ZNRF1: variants seen among roughly 807,000 people sequenced by gnomAD.
The protein encoded by ZNRF1 is zinc and ring finger 1, also known as E3 ubiquitin-protein ligase ZNRF1.
A neutral mutation model predicts 18.4 loss-of-function variants in ZNRF1; 3 were observed. The observed-to-expected ratio is 0.16, with a 90% CI of 0.07 to 0.42. ZNRF1 has a LOEUF of 0.42. ZNRF1 is among the 10% of genes least tolerant of loss of function. ZNRF1 has a pLI of 0.99. For synonymous variants in ZNRF1, 157 were observed against 144.2 expected (o/e 1.09, Z -0.64); for missense variants, 310 against 329.8 (o/e 0.94, Z 0.47).
intron 2 of ZNRF1, among the ~76,000 whole-genome samples, chr16:75,102,287 GC>G (rs2145429413): frequency 6.6e-6 from 1 of 152,202 alleles, no homozygotes; most frequent in African/African-American, 2.4e-5. Flanking sequence ...CCCAGTCCCA[GC>G]CCCACAACCC....
intron 1 of ZNRF1, among the ~76,000 whole-genome samples, chr16:75,060,804 CA>C (rs1465678826): frequency 6.6e-6 from 1 of 152,088 alleles, no homozygotes; most frequent in Non-Finnish European, 1.5e-5. Context: ...ATCTTGGCCG[CA>C]GCTTTGATTT....
At chr16:75,027,926 C>G (rs1448468049) in intron 1 of ZNRF1, among the ~76,000 whole-genome samples, 1 of 152,180 alleles carries the variant, frequency 6.6e-6, no homozygotes, top group Non-Finnish European at 1.5e-5. Flanking sequence ...TTTAAAAACA[C>G]CTTTCTTAGC....
intron 2 of ZNRF1, among the ~76,000 whole-genome samples, chr16:75,101,641 T>C (rs1220125496): frequency 1.3e-5 from 2 of 152,232 alleles, no homozygotes; most frequent in African/African-American, 4.8e-5. Flanking sequence ...CAACCCATCT[T>C]ATCCTTCTGA....
intron 1 of ZNRF1, among the ~76,000 whole-genome samples, chr16:75,084,014 G>C (rs2036045660): frequency 6.6e-6 from 1 of 152,238 alleles, no homozygotes; most frequent in Non-Finnish European, 1.5e-5. Flanking sequence ...TGCAGGTCAA[G>C]AGGTGGGACT....
chr16:75,060,279 C>T (rs1245847944), intron 1 of ZNRF1, among the ~76,000 whole-genome samples: 1 of 151,984 alleles, frequency 6.6e-6, no homozygotes, highest in East Asian at 1.9e-4. Context: ...GTCTCAAACT[C>T]CTGACGTTGT....
intron 1 of ZNRF1, among the ~76,000 whole-genome samples, chr16:75,089,438 A>C (rs756695086): frequency 6.6e-6 from 1 of 152,020 alleles, no homozygotes; most frequent in Non-Finnish European, 1.5e-5. Flanking sequence ...ATGCCAAAAT[A>C]AAACAGAAAC....
rs1480272349 is a variant in ZNRF1 at position 75,058,100 on chromosome 16, CCTTTT to C, written c.425-35466_425-35462del. The stretch of plus-strand genomic sequence containing the variant: ...ATACTTGACCTGCCCTTTTTCCTTT[CCTTTT>C]CTTTTTTTTTTTTTTTTAAATATTT... On this transcript the variant is annotated intron_variant, in intron 1 of 4. Coordinates refer to ENST00000335325, the MANE Select transcript of ZNRF1 (RefSeq NM_032268.5). 1.1e-3 allele frequency among the ~76,000 whole-genome samples: 97 copies of C among 87,760 alleles called. 1 individual carries two copies. Among genetic ancestry groups the C allele is most frequent in the African/African-American group, 3.8e-3 (94 of 24,452 alleles). 57.6% of individuals were successfully genotyped at this position (87,760 alleles called of 152,430 possible).
intron 3 of ZNRF1, 186 bp downstream of exon 3, chr16:75,105,075 AGTGCAGAGCAGAGTGGAGTTGCCAGAGGT>A (rs2036299138): frequency 3.7e-6 from 2 of 544,756 alleles, no homozygotes; most frequent in Non-Finnish European, 6.7e-6. Context: ...GAGCATCCCA[AGTGCAGAGCAGAGTGGAGTTGCCAGAGGT>A]GTGCTCTGGT....
intron 1 of ZNRF1, among the ~76,000 whole-genome samples, chr16:75,055,304 C>T (rs941938453): frequency 1.6e-4 from 25 of 152,186 alleles, no homozygotes; most frequent in African/African-American, 5.3e-4. Flanking sequence ...GGCGGAGTCT[C>T]GCTGTATCAC....
In ZNRF1 at chr16:75,095,808, CT is replaced by C. The variant is rs149894922; in HGVS notation, c.520+2142del. The stretch of plus-strand genomic sequence containing the variant: ...GCCTGGGACGCCACCATGTGTCCCC[CT>C]GTCCCCCTCTGTATCAGCACTTGAG... On this transcript the variant is annotated intron_variant, in intron 2 of 4. Transcript: ENST00000335325. 8.5e-3 allele frequency: 12,017 copies of C among 1,414,450 alleles called. 864 individuals carry two copies. The African/African-American group carries it at 0.15, about 18-fold the overall frequency. The allele number at this position is 1,414,450 out of a possible 1,614,324, so 87.6% of individuals were successfully genotyped here.
In ZNRF1 at chr16:75,082,983, G is replaced by A. The variant is rs377595764; in HGVS notation, c.425-10589G>A. Among the ~76,000 whole-genome samples, 7 of 152,260 alleles carry A rather than the reference G, an allele frequency of 4.6e-5. No homozygotes were observed. In the East Asian group the frequency reaches 7.7e-4, roughly 17 times the overall value. On this transcript the variant is annotated intron_variant, in intron 1 of 4. Transcript: ENST00000335325. Reference sequence around the variant, plus strand: ...TTCACCATGTAACAACTTTAAAATCGAGATGTGCTATATAATCACATCTTA... The same window carrying A: ...TTCACCATGTAACAACTTTAAAATCAAGATGTGCTATATAATCACATCTTA...
intron 2 of ZNRF1, 28 bp from the exon 3 acceptor site, chr16:75,104,756 C>T (rs780714543): frequency 4.5e-5 from 70 of 1,568,114 alleles, no homozygotes; most frequent in South Asian, 4.0e-4. Context: ...GACTAACCCT[C>T]CTGCACTCTC....
intron 4 of ZNRF1, 45 bp from the exon 5 acceptor site, chr16:75,107,688 C>T (rs1221298349): frequency 2.2e-6 from 1 of 456,072 alleles, no homozygotes; most frequent in African/African-American, 2.0e-5. Flanking sequence ...GAGCAGACAG[C>T]CCTCGGCCCG....
intron 1 of ZNRF1, among the ~76,000 whole-genome samples, chr16:75,023,752 A>T (rs925653128): frequency 2.2e-4 from 34 of 151,982 alleles, no homozygotes; most frequent in Non-Finnish European, 2.6e-4. Flanking sequence ...GCTATGTAGG[A>T]GGGAAGAGCC....
At chr16:75,026,686 A>G (rs1353496155) in intron 1 of ZNRF1, among the ~76,000 whole-genome samples, 1 of 152,154 alleles carries the variant, frequency 6.6e-6, no homozygotes, top group Non-Finnish European at 1.5e-5. Context: ...CTGTAATCCC[A>G]GCACTTTGGG....
chr16:75,016,952 A>G, intron 1 of ZNRF1, among the ~76,000 whole-genome samples: 1 of 152,210 alleles, frequency 6.6e-6, no homozygotes, highest in East Asian at 1.9e-4. Context: ...ATCCAGATAG[A>G]ATAAACACAG....
At chr16:75,029,231 C>G (rs2035267603) in intron 1 of ZNRF1, among the ~76,000 whole-genome samples, 1 of 152,114 alleles carries the variant, frequency 6.6e-6, no homozygotes, top group South Asian at 2.1e-4. Flanking sequence ...ACTGCAAGCT[C>G]CACCTTCCGG....
chr16:75,050,776 C>T (rs12928293), intron 1 of ZNRF1, among the ~76,000 whole-genome samples: 45,693 of 144,190 alleles, frequency 0.32, 7,924 homozygotes, highest in East Asian at 0.61. Flanking sequence ...GAGGCTGAGG[C>T]AGGAGAATGA....
intron 1 of ZNRF1, among the ~76,000 whole-genome samples, chr16:75,078,228 G>C (rs2035966143): frequency 6.6e-6 from 1 of 150,884 alleles, no homozygotes; most frequent in African/African-American, 2.4e-5. Context: ...TCTGAGCCCA[G>C]ATCTCTGTTT....
Sources: gnomAD v4.1 joint callset for allele counts (sites outside exome capture counted in the v4.1 genomes callset) on GRCh38, gnomAD v4.1.1 for gene constraint, MANE v1.5 for transcripts, NCBI Gene and HGNC (gene_info 2026-07-23, HGNC 2026-07-21) for gene names.